PKN2: variants seen among roughly 807,000 people sequenced by gnomAD.
PKN2 encodes protein kinase N2.
In PKN2, 38 loss-of-function variants were observed where a neutral mutation model predicts 119.1. The ratio of observed to expected loss-of-function variants is 0.32; its 90% confidence interval spans 0.25 to 0.42. The LOEUF (loss-of-function observed/expected upper bound fraction) is 0.42, where lower values mean the gene tolerates loss of function less well. Among genes scored for constraint, PKN2 ranks in the 10% least tolerant of loss-of-function variants. The pLI, the probability that PKN2 is intolerant of heterozygous loss-of-function variation, is 1.00. For missense variants in PKN2, 850 were observed against 1,165.1 expected (o/e 0.73, Z 3.94); for synonymous variants, 390 against 384.9 (o/e 1.01, Z -0.15).
intron 8 of PKN2, among the ~76,000 whole-genome samples, chr1:88,791,668 A>G (rs1670847426): frequency 6.6e-6 from 1 of 152,178 alleles, no homozygotes; most frequent in Admixed American, 6.5e-5. Flanking sequence ...CTTCCATTGA[A>G]CAGCCTGGCT....
intron 18 of PKN2, among the ~76,000 whole-genome samples, chr1:88,825,421 A>G (rs1672461810): frequency 1.3e-5 from 2 of 152,226 alleles, no homozygotes; most frequent in Non-Finnish European, 1.5e-5. Flanking sequence ...CTGAATAGTG[A>G]AGAGACACCT....
chr1:88,770,820 C>T (rs1452879138), intron 4 of PKN2, among the ~76,000 whole-genome samples: 2 of 150,748 alleles, frequency 1.3e-5, no homozygotes, highest in African/African-American at 2.4e-5. Context: ...CTCCTGACCT[C>T]GTGATCCGCC....
intron 15 of PKN2, among the ~76,000 whole-genome samples, chr1:88,810,350 G>A (rs1165121424): frequency 6.6e-6 from 1 of 151,804 alleles, no homozygotes; most frequent in African/African-American, 2.4e-5. Context: ...TCAAACTCCT[G>A]AGCTCAGGTG....
chr1:88,829,091 G>C (rs1215762495), intron 19 of PKN2: 1 of 695,108 alleles, frequency 1.4e-6, no homozygotes, highest in Non-Finnish European at 2.7e-6. Flanking sequence ...GTAGAATTTC[G>C]TAAGAACAAA....
intron 1 of PKN2, among the ~76,000 whole-genome samples, chr1:88,718,068 T>C (rs556060268): frequency 9.2e-5 from 14 of 152,366 alleles, no homozygotes; most frequent in African/African-American, 3.4e-4. Context: ...GCTGCAGGTC[T>C]GTTGGAGTTT....
chr1:88,698,756 A>G (rs775451524), intron 1 of PKN2, among the ~76,000 whole-genome samples: 1 of 152,192 alleles, frequency 6.6e-6, no homozygotes, highest in Non-Finnish European at 1.5e-5. Context: ...ATAATTTTAA[A>G]TTTTTGATTT....
rs562376285 is a variant in PKN2 at position 88,747,279 on chromosome 1, G to T, written c.349+5991G>T. Among the ~76,000 whole-genome samples, 7 of 152,216 alleles carry T rather than the reference G, an allele frequency of 4.6e-5. No homozygotes were observed. In the South Asian group the frequency reaches 1.0e-3, roughly 23 times the overall value. On this transcript the variant is annotated intron_variant, in intron 2 of 21. Coordinates refer to ENST00000370521, the MANE Select transcript of PKN2 (RefSeq NM_006256.4). ...AAAGGTTGTTAAATCCCACTGCGAA[G>T]AAATAAATATTTGAGGTGATAGATA...
intron 6 of PKN2, among the ~76,000 whole-genome samples, chr1:88,776,164 C>A (rs1670091012): frequency 6.6e-6 from 1 of 150,760 alleles, no homozygotes; most frequent in African/African-American, 2.4e-5. Flanking sequence ...ATTTTACCTG[C>A]GTTTGTCTTC....
intron 2 of PKN2, among the ~76,000 whole-genome samples, chr1:88,747,351 A>G (rs958251590): frequency 6.6e-6 from 1 of 152,202 alleles, no homozygotes; most frequent in Non-Finnish European, 1.5e-5. Context: ...GTAATGAAAC[A>G]TCACATTATA....
At chr1:88,816,554 G>A (rs530118340) in intron 16 of PKN2, among the ~76,000 whole-genome samples, 2 of 152,248 alleles carry the variant, frequency 1.3e-5, no homozygotes, top group African/African-American at 4.8e-5. Flanking sequence ...GCCATCTTAA[G>A]CAATTTTAAG....
intron 1 of PKN2, among the ~76,000 whole-genome samples, chr1:88,697,854 T>C (rs536234637): frequency 2.6e-5 from 4 of 152,216 alleles, no homozygotes; most frequent in Non-Finnish European, 4.4e-5. Flanking sequence ...TTTTTTTCCT[T>C]ATTTTCCCCT....
chr1:88,691,237 T>C (rs1666323407), intron 1 of PKN2, among the ~76,000 whole-genome samples: 1 of 151,988 alleles, frequency 6.6e-6, no homozygotes, highest in African/African-American at 2.4e-5. Flanking sequence ...TTGATTTTTA[T>C]ATTTTTTTGG....
chr1:88,713,674 A>G (rs535801228), intron 1 of PKN2, among the ~76,000 whole-genome samples: 2 of 152,274 alleles, frequency 1.3e-5, no homozygotes, highest in South Asian at 4.1e-4. Context: ...GATTCTGGAT[A>G]TTAGCCCTTT....
intron 3 of PKN2, among the ~76,000 whole-genome samples, chr1:88,769,893 C>G (rs1291319053): frequency 6.6e-6 from 1 of 151,980 alleles, no homozygotes; most frequent in Non-Finnish European, 1.5e-5. Flanking sequence ...TAATACATAG[C>G]GTGAACTATA....
At chr1:88,810,973 T>C (rs1008692018) in intron 15 of PKN2, among the ~76,000 whole-genome samples, 2 of 152,224 alleles carry the variant, frequency 1.3e-5, no homozygotes, top group African/African-American at 4.8e-5. Context: ...TATTATATTA[T>C]TTTACTTTGA....
chr1:88,735,463 A>AT (rs35330484), intron 1 of PKN2, among the ~76,000 whole-genome samples: 69,596 of 150,622 alleles, frequency 0.46, 16,451 homozygotes, highest in Middle Eastern at 0.67. Context: ...TTCCTGGCCT[A>AT]TTTTTTTTTA....
chr1:88,730,199 C>T (rs910145970), intron 1 of PKN2, among the ~76,000 whole-genome samples: 2 of 151,998 alleles, frequency 1.3e-5, no homozygotes, highest in Non-Finnish European at 2.9e-5. Context: ...ATATGGCCTA[C>T]AGGGCCCTAT....
intron 18 of PKN2, among the ~76,000 whole-genome samples, chr1:88,826,883 T>C (rs185202840): frequency 6.6e-6 from 1 of 152,180 alleles, no homozygotes; most frequent in Admixed American, 6.5e-5. Flanking sequence ...AGAACTTACA[T>C]AGATATTAAT....
chr1:88,694,454 T>G (rs1666452516), intron 1 of PKN2, among the ~76,000 whole-genome samples: 1 of 152,212 alleles, frequency 6.6e-6, no homozygotes, highest in Non-Finnish European at 1.5e-5. Context: ...GCTTGATAGC[T>G]TATTTCTTTT....
Sources: allele counts gnomAD v4.1 joint callset (sites outside exome capture counted in the v4.1 genomes callset), GRCh38; gene constraint gnomAD v4.1.1; transcripts MANE v1.5; gene names NCBI Gene and HGNC (gene_info 2026-07-23, HGNC 2026-07-21).